Variants in HSD11B1 observed in about 807,000 individuals in gnomAD.
HSD11B1 encodes the protein 11-beta-hydroxysteroid dehydrogenase 1.
In HSD11B1, 15 loss-of-function variants were observed where a neutral mutation model predicts 22.1. The ratio of observed to expected loss-of-function variants is 0.68; its 90% CI spans 0.45 to 1.04. HSD11B1 has a LOEUF of 1.04. Ranked by LOEUF, HSD11B1 falls within the 50% of genes least tolerant of loss-of-function variation. HSD11B1 has a pLI of 0.00. For missense variants in HSD11B1, 281 were observed against 357.6 expected (o/e 0.79, Z 1.73); for synonymous variants, 122 against 125.2 (o/e 0.97, Z 0.17).
chr1:209,708,985 G>C (rs926949858), intron 4 of HSD11B1, among the ~76,000 whole-genome samples: 27 of 152,194 alleles, frequency 1.8e-4, no homozygotes, highest in Non-Finnish European at 3.4e-4. Flanking sequence ...GCAAAGTACA[G>C]ACACATTGCT....
chr1:209,733,483 C>T (rs2077048062), intron 5 of HSD11B1, among the ~76,000 whole-genome samples: 1 of 152,092 alleles, frequency 6.6e-6, no homozygotes, highest in African/African-American at 2.4e-5. Flanking sequence ...ATAAAAAGAA[C>T]ATTAGTGAAA....
chr1:209,691,776 G>A (rs1363616597), intron 1 of HSD11B1, among the ~76,000 whole-genome samples: 1 of 152,104 alleles, frequency 6.6e-6, no homozygotes, highest in Non-Finnish European at 1.5e-5. Flanking sequence ...CTAGAAAAAA[G>A]GGAATGGGTG....
intron 1 of HSD11B1, chr1:209,686,305 C>T (rs2076728162): frequency 6.6e-6 from 1 of 152,178 alleles, no homozygotes; most frequent in African/African-American, 2.4e-5. Flanking sequence ...TTAAAAATCA[C>T]ATTATATATA....
intron 4 of HSD11B1, among the ~76,000 whole-genome samples, chr1:209,709,039 C>A (rs1408264806): frequency 6.6e-6 from 1 of 152,230 alleles, no homozygotes; most frequent in Non-Finnish European, 1.5e-5. Flanking sequence ...ATGATGTATT[C>A]TTTTAATCAG....
chr1:209,718,289 A>G lies in HSD11B1; in HGVS notation c.517+11161A>G, dbSNP rs139653499. 4.1e-3 allele frequency among the ~76,000 whole-genome samples: 628 copies of G among 152,338 alleles called. 4 individuals carry two copies. The highest frequency in any genetic ancestry group is 6.9e-3 in the Non-Finnish European group (472 of 68,024). ...ATGCTTGTGATGATGGATATCCTAA[A>G]TACCCTTACTTGATCATTACATATT... On this transcript the variant is annotated intron_variant, in intron 4 of 5. Transcript: ENST00000367027.
At chr1:209,712,207 C>T (rs2076902321) in intron 4 of HSD11B1, among the ~76,000 whole-genome samples, 1 of 152,238 alleles carries the variant, frequency 6.6e-6, no homozygotes, top group Middle Eastern at 3.4e-3. Flanking sequence ...CAGTATAGAT[C>T]CTGTGCTTAA....
chr1:209,732,248 C>T (rs1249678401), intron 4 of HSD11B1, among the ~76,000 whole-genome samples, 188 bp from the exon 5 acceptor site: 3 of 152,202 alleles, frequency 2.0e-5, no homozygotes, highest in African/African-American at 4.8e-5. Context: ...AGCCCAATCC[C>T]ACCCTATGCC....
At chr1:209,733,263 G>A (rs1323406307) in intron 5 of HSD11B1, among the ~76,000 whole-genome samples, 1 of 152,130 alleles carries the variant, frequency 6.6e-6, no homozygotes. Flanking sequence ...CATTTTGGTG[G>A]TGTTCTTGCC....
rs754900658 is a variant in HSD11B1 at position 209,734,437 on chromosome 1, T to G, written c.795T>G (p.Thr265=). The change falls in exon 6 of 6, where the codon ACT becomes ACG. Residue 265 remains threonine, a synonymous_variant. Coordinates refer to ENST00000367027, the MANE Select transcript of HSD11B1 (RefSeq NM_005525.4). ...ATTATGACAGCTCACTCTGGACCAC[T>G]CTTCTGATCAGAAATCCATGCAGGA... ...EVYYDSSLWT[T]LLIRNPCRKI... is the part of the protein sequence containing the mutation. 2 of 1,614,132 alleles carry G rather than the reference T, an allele frequency of 1.2e-6. No homozygotes were observed. Among genetic ancestry groups the G allele is most frequent in the Admixed American group, 3.3e-5 (2 of 60,010 alleles).
At chr1:209,705,448 C>T (rs1019406776) in intron 1 of HSD11B1, among the ~76,000 whole-genome samples, 4 of 149,662 alleles carry the variant, frequency 2.7e-5, no homozygotes, top group African/African-American at 9.9e-5. Context: ...TCTATGAACA[C>T]ATGTGTTTTG....
At chr1:209,708,920 G>T (rs2076877604) in intron 4 of HSD11B1, among the ~76,000 whole-genome samples, 1 of 152,164 alleles carries the variant, frequency 6.6e-6, no homozygotes, top group African/African-American at 2.4e-5. Flanking sequence ...GGTGTTTATT[G>T]CTTGTGTAGC....
chr1:209,694,112 G>T (rs539155413), intron 1 of HSD11B1, among the ~76,000 whole-genome samples: 1 of 152,088 alleles, frequency 6.6e-6, no homozygotes, highest in Non-Finnish European at 1.5e-5. Context: ...GTCCCTGGTG[G>T]CTTCATCTAC....
rs563557576 is a variant in HSD11B1 at position 209,727,401 on chromosome 1, A to G, written c.518-5035A>G. On this transcript the variant is annotated intron_variant, in intron 4 of 5. Transcript: ENST00000367027. Reference sequence around the variant, plus strand: ...TATGGCAGCCCAGGGAAATGAATACAAAGGGACTAGGAGTGACTAGCCCTG... The same window carrying G: ...TATGGCAGCCCAGGGAAATGAATACGAAGGGACTAGGAGTGACTAGCCCTG... Among the ~76,000 whole-genome samples the G allele has an allele frequency of 5.9e-5, 9 of 152,358 alleles. No individual in the cohort carries two copies. The South Asian group carries it at 1.9e-3, about 32-fold the overall frequency.
intron 4 of HSD11B1, among the ~76,000 whole-genome samples, chr1:209,713,971 T>G (rs997777452): frequency 6.6e-6 from 1 of 152,212 alleles, no homozygotes; most frequent in African/African-American, 2.4e-5. Flanking sequence ...CATAACTTCA[T>G]GTCTGAGAAG....
chr1:209,716,796 A>G (rs1423182219), intron 4 of HSD11B1, among the ~76,000 whole-genome samples: 5 of 152,186 alleles, frequency 3.3e-5, no homozygotes, highest in Non-Finnish European at 5.9e-5. Context: ...CACCAAGAAC[A>G]TGCATTGGGG....
At chr1:209,728,170 T>A (rs2077014929) in intron 4 of HSD11B1, among the ~76,000 whole-genome samples, 1 of 152,230 alleles carries the variant, frequency 6.6e-6, no homozygotes, top group Non-Finnish European at 1.5e-5. Flanking sequence ...CTTTAAAAAG[T>A]ATCTCTAACT....
chr1:209,721,697 A>G (rs1217238009), intron 4 of HSD11B1, among the ~76,000 whole-genome samples: 1 of 152,060 alleles, frequency 6.6e-6, no homozygotes, highest in African/African-American at 2.4e-5. Flanking sequence ...AGCCCAGCCC[A>G]CTTGGCCCAG....
chr1:209,706,204 C>A lies in HSD11B1; in HGVS notation c.219+263C>A, dbSNP rs1365464562. ...ACAGAGTCCTTGAGTTATATATGCT[C>A]ACAGACATGCCTAGTCACACACATT... is the stretch of plus-strand genomic sequence containing the variant. On this transcript the variant is annotated intron_variant, in intron 2 of 5. Coordinates refer to ENST00000367027, the MANE Select transcript of HSD11B1 (RefSeq NM_005525.4). This position sits in a 1 kb window ranked among gnomAD's most constrained non-coding sequence, Gnocchi z 4.0. 2.6e-5 allele frequency among the ~76,000 whole-genome samples: 4 copies of A among 152,148 alleles called. No individual in the cohort carries two copies. Among genetic ancestry groups the A allele is most frequent in the Non-Finnish European group, 5.9e-5 (4 of 68,020 alleles).
Position 209,706,543 on chromosome 1 carries a change from G to A in HSD11B1, c.220-166G>A, listed in dbSNP as rs181887062. 5.9e-4 allele frequency among the ~76,000 whole-genome samples: 90 copies of A among 152,278 alleles called. No homozygotes were observed. The highest frequency in any genetic ancestry group is 1.1e-3 in the Non-Finnish European group (74 of 68,020). On this transcript the variant is annotated intron_variant, in intron 2 of 5. Coordinates refer to ENST00000367027, the MANE Select transcript of HSD11B1 (RefSeq NM_005525.4). The surrounding 1 kb of genome is among the most constrained non-coding windows in gnomAD (Gnocchi z 4.0). ...CCAGAAAATATTTCAGACAGAGGAC[G>A]ATGATCATGAGGGTTATATTAGGCA...
Sources: gnomAD v4.1 joint callset for allele counts (sites outside exome capture counted in the v4.1 genomes callset) on GRCh38, gnomAD v4.1.1 for gene constraint, Gnocchi (gnomAD v3.1) non-coding constraint, MANE v1.5 for transcripts, NCBI Gene and HGNC (gene_info 2026-07-23, HGNC 2026-07-21) for gene names.